Variants in WDR76 observed in about 807,000 individuals in gnomAD.
WDR76 encodes the protein WD repeat domain 76, also known as WD repeat-containing protein 76.
In WDR76, 52 loss-of-function variants were observed where a neutral mutation model predicts 70.2. The observed-to-expected ratio is 0.74, with a 90% CI of 0.59 to 0.93. The LOEUF is 0.93. WDR76 is among the 40% of genes least tolerant of loss of function. The pLI is 0.00. For missense variants in WDR76, 756 were observed against 760.2 expected (o/e 0.99, Z 0.07); for synonymous variants, 292 against 271.1 (o/e 1.08, Z -0.76).
At chr15:43,862,686 T>C (rs2088017688) in intron 12 of WDR76, among the ~76,000 whole-genome samples, 1 of 151,504 alleles carries the variant, frequency 6.6e-6, no homozygotes, top group South Asian at 2.1e-4. Context: ...TTTTTTGTAT[T>C]TTTAGTAGAG....
intron 4 of WDR76, among the ~76,000 whole-genome samples, chr15:43,837,620 A>G (rs2087672933): frequency 6.6e-6 from 1 of 152,174 alleles, no homozygotes; most frequent in Non-Finnish European, 1.5e-5. Context: ...GATACTTTAT[A>G]TAATTTTTCT....
At chr15:43,840,191 G>A (rs2141732071) in intron 5 of WDR76, among the ~76,000 whole-genome samples, 1 of 152,156 alleles carries the variant, frequency 6.6e-6, no homozygotes, top group Non-Finnish European at 1.5e-5. Flanking sequence ...AGATTTCGAA[G>A]TCGTAAAGAC....
At chr15:43,827,133 C>A (rs1292736523) in intron 1 of WDR76, 41 bp downstream of exon 1, 1 of 1,613,762 alleles carries the variant, frequency 6.2e-7, no homozygotes, top group South Asian at 1.1e-5. Context: ...GCTCCTGCCT[C>A]GGTTTTTGTG....
intron 11 of WDR76, 152 bp downstream of exon 11, chr15:43,858,975 C>G: frequency 9.4e-7 from 1 of 1,063,346 alleles, no homozygotes; most frequent in Non-Finnish European, 1.3e-6. Context: ...GACTGGTGAC[C>G]TGTATTTAAT....
chr15:43,852,078 T>A (rs375861239), intron 9 of WDR76, among the ~76,000 whole-genome samples: 1 of 152,200 alleles, frequency 6.6e-6, no homozygotes, highest in South Asian at 2.1e-4. Flanking sequence ...AAATAAGACA[T>A]CTTCTACTTA....
chr15:43,839,931 C>T (rs2087704033), intron 5 of WDR76, among the ~76,000 whole-genome samples: 3 of 152,110 alleles, frequency 2.0e-5, no homozygotes, highest in Admixed American at 6.6e-5. Context: ...GATCTTGCCT[C>T]ACTGCAACCC....
intron 2 of WDR76, among the ~76,000 whole-genome samples, chr15:43,832,419 T>A (rs2087600722): frequency 7.0e-6 from 1 of 143,444 alleles, no homozygotes; most frequent in Admixed American, 7.5e-5. Flanking sequence ...TGCCGAGGCC[T>A]GGGTTCATCT....
At chr15:43,850,945 A>G in intron 8 of WDR76, 142 bp from the exon 9 acceptor site, 1 of 1,037,918 alleles carries the variant, frequency 9.6e-7, no homozygotes, top group Non-Finnish European at 1.4e-6. Context: ...GACTTTGTGA[A>G]GGGGAGAGTG....
chr15:43,847,758 T>C (rs948391944), intron 8 of WDR76, among the ~76,000 whole-genome samples: 3 of 152,094 alleles, frequency 2.0e-5, no homozygotes, highest in Admixed American at 6.6e-5. Context: ...GGCTTCTCCA[T>C]GTTGGCCAGG....
At chr15:43,838,563 C>T (rs1196557642) in intron 4 of WDR76, among the ~76,000 whole-genome samples, 1 of 152,186 alleles carries the variant, frequency 6.6e-6, no homozygotes, top group Non-Finnish European at 1.5e-5. Context: ...TTGGTGTTCA[C>T]ATACAATATG....
intron 12 of WDR76, among the ~76,000 whole-genome samples, chr15:43,863,423 T>C (rs182525564): frequency 1.0e-3 from 155 of 152,294 alleles, no homozygotes; most frequent in Non-Finnish European, 1.8e-3. Flanking sequence ...TATATTGTTA[T>C]TGACTATAGT....
In WDR76 at chr15:43,843,911, A is replaced by T. The variant is rs562309088; in HGVS notation, c.889A>T (p.Asn297Tyr). The T allele has an allele frequency of 1.9e-6, 3 of 1,573,338 alleles. No individual in the cohort carries two copies. The highest frequency in any genetic ancestry group is 2.4e-5 in the South Asian group (2 of 83,212). ...GLSSIKSYKA[N>Y]LNGMVISEDT... ...TTGTAATTTTCTTAGCTACAAAGCC[A>T]ATTTAAATGGCATGGTCATTAGTGA... Residue 297 changes from asparagine (N) to tyrosine (Y), a missense_variant, in exon 8 of 13, where the codon AAT becomes TAT. Asn to Tyr is a moderately radical substitution (Grantham distance 143, BLOSUM62 -2). Transcript: ENST00000263795.
intron 9 of WDR76, among the ~76,000 whole-genome samples, chr15:43,856,022 C>T (rs567547039): frequency 2.0e-5 from 3 of 152,104 alleles, no homozygotes; most frequent in Non-Finnish European, 4.4e-5. Context: ...TTTTTCTCCT[C>T]TTCTTTATAC....
intron 2 of WDR76, among the ~76,000 whole-genome samples, chr15:43,829,206 G>A (rs2087556861): frequency 6.6e-6 from 1 of 152,090 alleles, no homozygotes; most frequent in African/African-American, 2.4e-5. Flanking sequence ...AGCCTGGTCT[G>A]TAATTCTTTT....
chr15:43,829,294 G>A (rs1170211469), intron 2 of WDR76, among the ~76,000 whole-genome samples: 1 of 152,064 alleles, frequency 6.6e-6, no homozygotes, highest in African/African-American at 2.4e-5. Flanking sequence ...AACATACATA[G>A]CACATGACAC....
intron 5 of WDR76, 117 bp from the exon 6 acceptor site, chr15:43,842,298 A>G (rs1596072956): frequency 2.6e-6 from 2 of 775,572 alleles, no homozygotes; most frequent in African/African-American, 1.8e-5. Context: ...ATATGCCACC[A>G]TTACTGTTGA....
chr15:43,853,713 C>T (rs1944996926), intron 9 of WDR76, among the ~76,000 whole-genome samples: 1 of 151,854 alleles, frequency 6.6e-6, no homozygotes, highest in African/African-American at 2.4e-5. Context: ...TGAGACCAGC[C>T]TGGCCAACAT....
At position 43,842,432 on chromosome 15, in the gene WDR76, G is replaced by C; in HGVS notation, c.750G>C (p.Gly250=). The C allele has an allele frequency of 6.2e-7, 1 of 1,613,926 alleles. No individual in the cohort carries two copies. The highest frequency in any genetic ancestry group is 1.1e-5 in the South Asian group (1 of 91,054). The change falls in exon 6 of 13, where the codon GGG becomes GGC. Residue 250 remains glycine, a synonymous_variant. Coordinates refer to ENST00000263795, the MANE Select transcript of WDR76 (RefSeq NM_024908.4). ...VADETPLLPP[G]PLEMTSENQE... ...TATAACAGCCTTTGTTACCTCCTGG[G>C]CCTTTAGAAATGACTTCTGAAAATC... is the stretch of plus-strand genomic sequence containing the variant.
chr15:43,842,287 G>A (rs1011805629), intron 5 of WDR76, 128 bp from the exon 6 acceptor site: 7 of 707,824 alleles, frequency 9.9e-6, no homozygotes, highest in African/African-American at 9.0e-5. Context: ...GAATGTCCAT[G>A]ATATGCCACC....
Sources: gnomAD v4.1 joint callset for allele counts (sites outside exome capture counted in the v4.1 genomes callset) on GRCh38, gnomAD v4.1.1 for gene constraint, MANE v1.5 for transcripts, NCBI Gene and HGNC (gene_info 2026-07-23, HGNC 2026-07-21) for gene names.